The following FAM234B variants were observed in gnomAD, a reference collection of about 807,000 sequenced individuals.
The protein encoded by FAM234B is protein FAM234B.
A neutral mutation model predicts 69.3 loss-of-function variants in FAM234B; 33 were observed. That is an observed-to-expected ratio of 0.48 (90% CI 0.36 to 0.64). FAM234B has a LOEUF of 0.64. Among genes scored for constraint, FAM234B ranks in the 30% least tolerant of loss-of-function variants. The pLI is 0.00. For missense variants in FAM234B, 697 were observed against 769.7 expected, an observed-to-expected ratio of 0.91 and a Z score of 1.12; for synonymous variants, 306 against 306.9, an observed-to-expected ratio of 1.00 and a Z score of 0.03.
intron 5 of FAM234B, among the ~76,000 whole-genome samples, chr12:13,063,568 G>A (rs1163554391): frequency 6.6e-6 from 1 of 152,168 alleles, no homozygotes; most frequent in Non-Finnish European, 1.5e-5. Context: ...CTGTGACAAG[G>A]CAGACTTTGA....
intron 2 of FAM234B, 117 bp from the exon 3 acceptor site, chr12:13,058,334 C>T (rs1864952637): frequency 1.3e-6 from 1 of 785,380 alleles, no homozygotes; most frequent in Non-Finnish European, 2.3e-6. Flanking sequence ...AGAGGTGTGT[C>T]TACTATACCT....
chr12:13,079,480 C>T (rs540338798), intron 11 of FAM234B, among the ~76,000 whole-genome samples: 143 of 152,280 alleles, frequency 9.4e-4, no homozygotes, highest in African/African-American at 3.2e-3. Context: ...CCTAGTGTTT[C>T]GGGCTTGCTT....
chr12:13,071,443 C>T (rs193099244), intron 10 of FAM234B, 47 bp downstream of exon 10: 36 of 1,557,318 alleles, frequency 2.3e-5, no homozygotes, highest in Admixed American at 2.2e-4. Context: ...CAGATGGCAG[C>T]TGCTGTGCAG....
At chr12:13,076,617 G>A (rs1282925906) in intron 11 of FAM234B, among the ~76,000 whole-genome samples, 1 of 152,216 alleles carries the variant, frequency 6.6e-6, no homozygotes, top group Admixed American at 6.5e-5. Context: ...TGTGCACCCT[G>A]CATAGAAATT....
rs2120516695 is a variant in FAM234B, at chr12:13,080,779, T to C, written c.*149T>C. On this transcript the variant is annotated 3_prime_UTR_variant, in exon 13 of 13. Coordinates refer to ENST00000197268, the MANE Select transcript of FAM234B (RefSeq NM_020853.2). ...GGTTGCAAAGGCTTGGGAAGGCATG[T>C]TGGAGTCTTTGACGGCAGCATGATC... 1 of 627,908 alleles carries C rather than the reference T, an allele frequency of 1.6e-6. No homozygotes were observed. The highest frequency in any genetic ancestry group is 2.7e-6 in the Non-Finnish European group (1 of 365,586). The allele number at this position is 627,908 out of a possible 1,614,324, so 38.9% of individuals were successfully genotyped here.
At chr12:13,076,255 C>T (rs576084166) in intron 11 of FAM234B, 112 bp downstream of exon 11, 14 of 830,542 alleles carry the variant, frequency 1.7e-5, no homozygotes, top group East Asian at 5.2e-5. Context: ...GCTTCTCAGA[C>T]GACAGCAGGG....
In FAM234B at chr12:13,055,702, T is replaced by C. The variant is rs758111386; in HGVS notation, c.189T>C (p.Asp63=). The C allele has an allele frequency of 1.9e-6, 3 of 1,614,238 alleles. No individual in the cohort carries two copies. The highest frequency in any genetic ancestry group is 2.5e-6 in the Non-Finnish European group (3 of 1,180,042). ...PLGEAPEPDS[D]AEVAEAAKPH... ...GAGAAGCGCCAGAACCCGACTCAGA[T>C]GCTGAGGTTGCAGAGGCTGCAAAGC... Residue 63 remains aspartate, a synonymous_variant, in exon 2 of 13, where the codon GAT becomes GAC. Transcript: ENST00000197268.
intron 3 of FAM234B, 127 bp from the exon 4 acceptor site, chr12:13,061,448 A>C: frequency 1.5e-6 from 1 of 671,334 alleles, no homozygotes; most frequent in Non-Finnish European, 2.5e-6. Flanking sequence ...TGTGAGAGGG[A>C]GCTGAATACA....
intron 9 of FAM234B, among the ~76,000 whole-genome samples, chr12:13,070,430 T>C (rs1049872055): frequency 6.6e-6 from 1 of 151,928 alleles, no homozygotes; most frequent in Admixed American, 6.6e-5. Flanking sequence ...CCTGGAAGAA[T>C]AGGGCAAGCG....
chr12:13,072,732 A>C (rs1478886479), intron 10 of FAM234B, among the ~76,000 whole-genome samples: 1 of 86,190 alleles, frequency 1.2e-5, no homozygotes, highest in Non-Finnish European at 2.0e-5. Context: ...TTTGTCTCAA[A>C]AAAAAAAAAA....
chr12:13,052,436 T>C (rs1565506672), intron 1 of FAM234B, among the ~76,000 whole-genome samples: 1 of 152,120 alleles, frequency 6.6e-6, no homozygotes, highest in African/African-American at 2.4e-5. Flanking sequence ...TATATATATA[T>C]ATTTAAACAT....
chr12:13,052,867 C>T (rs2120449795), intron 1 of FAM234B, among the ~76,000 whole-genome samples: 1 of 152,228 alleles, frequency 6.6e-6, no homozygotes, highest in East Asian at 1.9e-4. Flanking sequence ...AAAACAAGAA[C>T]AAACAATCAC....
At chr12:13,047,823 G>A (rs1008990922) in intron 1 of FAM234B, among the ~76,000 whole-genome samples, 1 of 152,124 alleles carries the variant, frequency 6.6e-6, no homozygotes, top group Non-Finnish European at 1.5e-5. Flanking sequence ...AGCCTGAGTA[G>A]GACTTAAGGC....
intron 5 of FAM234B, among the ~76,000 whole-genome samples, 174 bp downstream of exon 5, chr12:13,063,149 T>G (rs1254404905): frequency 2.0e-5 from 3 of 152,204 alleles, no homozygotes; most frequent in Non-Finnish European, 4.4e-5. Context: ...TATGAACCCA[T>G]TTTCTCTGGC....
chr12:13,070,198 T>C (rs895684313), intron 9 of FAM234B, among the ~76,000 whole-genome samples: 11 of 118,008 alleles, frequency 9.3e-5, no homozygotes, highest in African/African-American at 2.9e-4. Flanking sequence ...TATATATATA[T>C]ATATATATAT....
Position 13,080,928 on chromosome 12 carries a change from A to T in FAM234B, c.*298A>T, listed in dbSNP as rs983173370. ...TTAATTTTTTTGGTATGTCTAATTTATGAAGTCTTGCTGGGAAAGCCAGTG... is the reference window on the plus strand; with the variant it reads ...TTAATTTTTTTGGTATGTCTAATTTTTGAAGTCTTGCTGGGAAAGCCAGTG... On this transcript the variant is annotated 3_prime_UTR_variant, in exon 13 of 13. Transcript: ENST00000197268. The T allele has an allele frequency of 3.4e-5, 11 of 326,004 alleles. No individual in the cohort carries two copies. Among genetic ancestry groups the T allele is most frequent in the African/African-American group, 1.9e-4 (9 of 46,864 alleles). 20.2% of individuals were successfully genotyped at this position (326,004 alleles called of 1,614,324 possible).
chr12:13,052,999 T>C (rs1264354678), intron 1 of FAM234B, among the ~76,000 whole-genome samples: 1 of 152,172 alleles, frequency 6.6e-6, no homozygotes. Flanking sequence ...AATAATTTGG[T>C]TCATGGAGTA....
At chr12:13,061,809 C>CT in intron 4 of FAM234B, 46 bp downstream of exon 4, 2 of 1,562,220 alleles carry the variant, frequency 1.3e-6, no homozygotes, top group Non-Finnish European at 1.7e-6. Flanking sequence ...ACGAGCCATA[C>CT]TTTTGGATTA....
intron 1 of FAM234B, among the ~76,000 whole-genome samples, chr12:13,054,511 C>A (rs1469262074): frequency 6.6e-6 from 1 of 152,072 alleles, no homozygotes; most frequent in Non-Finnish European, 1.5e-5. Flanking sequence ...CCATAGTGAC[C>A]CAGAGGTAGA....
Sources: allele counts gnomAD v4.1 joint callset (sites outside exome capture counted in the v4.1 genomes callset), GRCh38; gene constraint gnomAD v4.1.1; transcripts MANE v1.5; gene names NCBI Gene and HGNC (gene_info 2026-07-23, HGNC 2026-07-21).